Variants in SDCCAG8 observed in about 807,000 individuals in gnomAD.
SDCCAG8 encodes the protein serologically defined colon cancer antigen 8.
SDCCAG8 carries 74 observed loss-of-function variants against 101.8 expected under a neutral mutation model. That is an observed-to-expected ratio of 0.73 (90% CI 0.60 to 0.88). The LOEUF (loss-of-function observed/expected upper bound fraction) is 0.88, where lower values mean the gene tolerates loss of function less well. Ranked by LOEUF, SDCCAG8 falls within the 40% of genes least tolerant of loss-of-function variation. SDCCAG8 has a pLI of 0.00. For synonymous variants in SDCCAG8, 281 were observed against 292.9 expected (o/e 0.96, Z 0.41); for missense variants, 787 against 822.6 (o/e 0.96, Z 0.53).
chr1:243,283,591 C>T (rs1205350573), intron 4 of SDCCAG8, among the ~76,000 whole-genome samples: 2 of 151,832 alleles, frequency 1.3e-5, no homozygotes. Flanking sequence ...ATGAGCCTTT[C>T]AAAGGCACTC....
chr1:243,335,874 A>C (rs1454396999), intron 10 of SDCCAG8, among the ~76,000 whole-genome samples: 1 of 152,122 alleles, frequency 6.6e-6, no homozygotes, highest in Non-Finnish European at 1.5e-5. Context: ...CCCACTTGTG[A>C]GTGAGAACAT....
intron 12 of SDCCAG8, among the ~76,000 whole-genome samples, chr1:243,375,528 A>G (rs1269373386): frequency 6.6e-6 from 1 of 152,128 alleles, no homozygotes. Flanking sequence ...TGCAGTGACC[A>G]CTTTTAACAG....
chr1:243,433,792 C>T (rs765894968), intron 16 of SDCCAG8, among the ~76,000 whole-genome samples: 7 of 152,054 alleles, frequency 4.6e-5, no homozygotes, highest in Admixed American at 3.3e-4. Flanking sequence ...AGACTCACCC[C>T]GAGTATAGGT....
At chr1:243,327,481 A>G (rs1376619739) in intron 9 of SDCCAG8, among the ~76,000 whole-genome samples, 4 of 126,498 alleles carry the variant, frequency 3.2e-5, no homozygotes, top group African/African-American at 1.3e-4. Flanking sequence ...AATTTTGTAG[A>G]AATTAAAATT....
chr1:243,431,028 C>G (rs1241969200), intron 16 of SDCCAG8, among the ~76,000 whole-genome samples: 1 of 151,884 alleles, frequency 6.6e-6, no homozygotes, highest in Admixed American at 6.6e-5. Flanking sequence ...GAAACCCCGT[C>G]TCTACCAAAA....
intron 15 of SDCCAG8, 25 bp from the exon 16 acceptor site, chr1:243,426,402 A>C (rs778711834): frequency 6.2e-7 from 1 of 1,601,456 alleles, no homozygotes; most frequent in Middle Eastern, 1.7e-4. Context: ...TCTAACATCT[A>C]TTATTTTTGT....
intron 13 of SDCCAG8, among the ~76,000 whole-genome samples, chr1:243,415,292 G>A (rs1005027195): frequency 1.3e-5 from 2 of 152,042 alleles, no homozygotes; most frequent in African/African-American, 4.8e-5. Flanking sequence ...TGAAAACAGA[G>A]GTGGTCTACA....
chr1:243,469,744 A>G (rs1186813000), intron 16 of SDCCAG8, among the ~76,000 whole-genome samples: 5 of 151,736 alleles, frequency 3.3e-5, no homozygotes, highest in Non-Finnish European at 7.4e-5. Context: ...GCATGTGTGC[A>G]TCTGGAACCT....
chr1:243,418,254 A>G (rs1332756121), intron 15 of SDCCAG8, among the ~76,000 whole-genome samples, 178 bp downstream of exon 15: 1 of 152,028 alleles, frequency 6.6e-6, no homozygotes, highest in Non-Finnish European at 1.5e-5. Flanking sequence ...ATACGCTTTT[A>G]TGTTTTTTCA....
At chr1:243,348,105 G>A (rs1273080864) in intron 12 of SDCCAG8, among the ~76,000 whole-genome samples, 2 of 143,440 alleles carry the variant, frequency 1.4e-5, no homozygotes, top group South Asian at 2.2e-4. Flanking sequence ...GCGCGATCTC[G>A]GCTCACTGCA....
At chr1:243,382,463 C>T (rs908246280) in intron 13 of SDCCAG8, among the ~76,000 whole-genome samples, 1 of 152,148 alleles carries the variant, frequency 6.6e-6, no homozygotes, top group Admixed American at 6.5e-5. Context: ...AAAGATTATA[C>T]ATCTATAAAT....
At chr1:243,449,446 T>A (rs1324472701) in intron 16 of SDCCAG8, among the ~76,000 whole-genome samples, 1 of 152,236 alleles carries the variant, frequency 6.6e-6, no homozygotes, top group Non-Finnish European at 1.5e-5. Flanking sequence ...ATATTGCTAG[T>A]GATTTCTGTA....
At chr1:243,415,862 C>T (rs1245809001) in intron 14 of SDCCAG8, 33 bp downstream of exon 14, 1 of 1,610,264 alleles carries the variant, frequency 6.2e-7, no homozygotes, top group South Asian at 1.1e-5. Context: ...AGCCTGGGCA[C>T]TAGCTCACAA....
intron 12 of SDCCAG8, among the ~76,000 whole-genome samples, chr1:243,353,490 CAAAAAAAAAAAAAAAAAA>C (rs542632635): frequency 2.1e-3 from 59 of 27,612 alleles, no homozygotes; most frequent in African/African-American, 7.8e-3. Flanking sequence ...GATTCCATCT[CAAAAAAAAAAAAAAAAAA>C]AAAAAAAAAA....
chr1:243,492,604 GTTTTTTT>G (rs74162289), intron 17 of SDCCAG8, among the ~76,000 whole-genome samples: 1 of 58,866 alleles, frequency 1.7e-5, no homozygotes, highest in African/African-American at 6.9e-5. Flanking sequence ...GCGCCCAGCT[GTTTTTTT>G]TTTTTTTTTT....
At chr1:243,398,640 A>C (rs2079172216) in intron 13 of SDCCAG8, among the ~76,000 whole-genome samples, 2 of 152,214 alleles carry the variant, frequency 1.3e-5, no homozygotes, top group South Asian at 4.1e-4. Context: ...TTATATAATA[A>C]TGCTACTAGC....
At chr1:243,355,549 C>T (rs1407884382) in intron 12 of SDCCAG8, among the ~76,000 whole-genome samples, 1 of 152,128 alleles carries the variant, frequency 6.6e-6, no homozygotes, top group African/African-American at 2.4e-5. Flanking sequence ...TCGTTCTACT[C>T]GAAAGATTAT....
intron 6 of SDCCAG8, among the ~76,000 whole-genome samples, chr1:243,294,007 G>A (rs1256657316): frequency 6.6e-6 from 1 of 152,028 alleles, no homozygotes; most frequent in Non-Finnish European, 1.5e-5. Context: ...TTTTTATAAT[G>A]TGTTTTCCTG....
At chr1:243,286,541 C>T in intron 5 of SDCCAG8, 144 bp downstream of exon 5, 1 of 818,726 alleles carries the variant, frequency 1.2e-6, no homozygotes, top group Non-Finnish European at 2.0e-6. Context: ...CCTCAAATAT[C>T]AAACTTCACT....
Sources: allele counts gnomAD v4.1 joint callset (sites outside exome capture counted in the v4.1 genomes callset), GRCh38; gene constraint gnomAD v4.1.1; transcripts MANE v1.5; gene names NCBI Gene and HGNC (gene_info 2026-07-23, HGNC 2026-07-21).